Variants in CABP5 observed in about 807,000 individuals in gnomAD.
CABP5 encodes calcium-binding protein 5.
Under a neutral mutation model 21.9 loss-of-function variants are expected in CABP5, and 17 were observed. The ratio of observed to expected loss-of-function variants is 0.78; its 90% confidence interval spans 0.53 to 1.17. CABP5 has a LOEUF of 1.17. CABP5 is among the 50% of genes most tolerant of loss of function. CABP5 has a pLI of 0.00. For synonymous variants in CABP5, 85 were observed against 79.4 expected (o/e 1.07, Z -0.37); for missense variants, 229 against 228.9 (o/e 1.00, Z 0.00).
chr19:48,033,818 G>A (rs1397719578), intron 5 of CABP5, among the ~76,000 whole-genome samples: 1 of 152,186 alleles, frequency 6.6e-6, no homozygotes, highest in Non-Finnish European at 1.5e-5. Flanking sequence ...AGTCAGCGAT[G>A]ATCCTGAATT....
chr19:48,038,500 A>G (rs1395669928), intron 4 of CABP5, among the ~76,000 whole-genome samples: 1 of 152,056 alleles, frequency 6.6e-6, no homozygotes, highest in East Asian at 1.9e-4. Context: ...TGGGATCTCA[A>G]ATTCTTGGAT....
In CABP5 at chr19:48,034,195, C is replaced by A; in HGVS notation, c.496+20G>T. 4 of 1,527,306 alleles carry A rather than the reference C, an allele frequency of 2.6e-6. No individual in the cohort carries two copies. The highest frequency in any genetic ancestry group is 3.5e-6 in the Non-Finnish European group (4 of 1,134,704). The allele number at this position is 1,527,306 out of a possible 1,614,324, so 94.6% of individuals were successfully genotyped here. A position where few individuals can be genotyped will look rare whatever the true frequency, so the allele number is the denominator to read the frequency against. Reference sequence around the variant, plus strand: ...CTGCGGTGGCTGCCCCCGCTCCCCACCACGCCCCGTCAATGTCACCTTCAA... The same window carrying A: ...CTGCGGTGGCTGCCCCCGCTCCCCAACACGCCCCGTCAATGTCACCTTCAA... On this transcript the variant is annotated intron_variant, in intron 5 of 5. Transcript: ENST00000293255.
chr19:48,038,359 T>C (rs552495315), intron 4 of CABP5, among the ~76,000 whole-genome samples: 18 of 152,372 alleles, frequency 1.2e-4, no homozygotes, highest in African/African-American at 4.3e-4. Flanking sequence ...CTTGTGTTGC[T>C]GAAAGCTCTC....
At chr19:48,034,437 G>A (rs906650889) in intron 4 of CABP5, 75 bp from the exon 5 acceptor site, 43 of 1,190,192 alleles carry the variant, frequency 3.6e-5, no homozygotes, top group Admixed American at 5.8e-5. Flanking sequence ...TTTACCTATC[G>A]CTTACTGTGG....
chr19:48,039,075 T>C (rs750455), intron 4 of CABP5, 133 bp downstream of exon 4: 66,118 of 645,852 alleles, frequency 0.1, 3,645 homozygotes, highest in South Asian at 0.14. Flanking sequence ...CCCTATTTAT[T>C]GATCCCACCA....
chr19:48,035,929 TA>T (rs1967403208), intron 4 of CABP5, among the ~76,000 whole-genome samples: 1 of 152,170 alleles, frequency 6.6e-6, no homozygotes, highest in Non-Finnish European at 1.5e-5. Flanking sequence ...ATATACATTT[TA>T]AAAGAATGTG....
chr19:48,043,777 G>T, intron 1 of CABP5, 83 bp downstream of exon 1: 3 of 1,166,112 alleles, frequency 2.6e-6, no homozygotes, highest in Non-Finnish European at 3.4e-6. Context: ...TGGTTCTGTG[G>T]CACCATCATG....
At chr19:48,042,072 A>G (rs1181862635) in intron 1 of CABP5, among the ~76,000 whole-genome samples, 2 of 152,140 alleles carry the variant, frequency 1.3e-5, no homozygotes, top group African/African-American at 2.4e-5. Context: ...AGGAACAGAG[A>G]GGTTAAGGAA....
chr19:48,030,511 C>G lies in CABP5; in HGVS notation c.*46G>C, dbSNP rs1260519775. ...GGCTTTGGTTCTCCACAAGCGCTTG[C>G]TCCATGTTGACCAGGTGGAGAGGGT... On this transcript the variant is annotated 3_prime_UTR_variant, in exon 6 of 6. Coordinates refer to ENST00000293255, the MANE Select transcript of CABP5 (RefSeq NM_019855.5). 3.8e-6 allele frequency: 6 copies of G among 1,592,478 alleles called. No homozygotes were observed. The highest frequency in any genetic ancestry group is 5.1e-6 in the Non-Finnish European group (6 of 1,169,854).
intron 2 of CABP5, 102 bp from the exon 3 acceptor site, chr19:48,040,850 A>C: frequency 8.7e-7 from 1 of 1,145,194 alleles, no homozygotes; most frequent in Admixed American, 2.1e-5. Flanking sequence ...GACTCCTTAA[A>C]GGAGCGTACA....
chr19:48,035,127 T>C (rs1600123576), intron 4 of CABP5, among the ~76,000 whole-genome samples: 1 of 152,368 alleles, frequency 6.6e-6, no homozygotes. Context: ...ATTCCTTCTC[T>C]GTGGCTCCCC....
chr19:48,039,619 A>T (rs562222708), intron 3 of CABP5, among the ~76,000 whole-genome samples: 127 of 146,850 alleles, frequency 8.6e-4, no homozygotes, highest in Non-Finnish European at 1.4e-3. Flanking sequence ...TGAGCATACA[A>T]TTTTTTTTTC....
intron 4 of CABP5, 124 bp from the exon 5 acceptor site, chr19:48,034,486 C>G (rs770288105): frequency 1.9e-5 from 11 of 573,040 alleles, no homozygotes; most frequent in Non-Finnish European, 3.0e-5. Flanking sequence ...ATGTGAGCCA[C>G]TAGAACGTCA....
At chr19:48,038,631 AG>A (rs1967440872) in intron 4 of CABP5, among the ~76,000 whole-genome samples, 1 of 152,180 alleles carries the variant, frequency 6.6e-6, no homozygotes, top group Admixed American at 6.5e-5. Flanking sequence ...GTTCGAGACC[AG>A]CCTGGTCAAC....
chr19:48,043,513 C>A (rs1342157173), intron 1 of CABP5, among the ~76,000 whole-genome samples: 1 of 119,976 alleles, frequency 8.3e-6, no homozygotes, highest in Non-Finnish European at 1.7e-5. Context: ...TTATTAACGT[C>A]ATCATTATCA....
chr19:48,029,798 C>CAGACAGAGAGAGAG lies in CABP5; in HGVS notation c.*758_*759insCTCTCTCTCTGTCT, dbSNP rs1555737196. The stretch of plus-strand genomic sequence containing the variant: ...GGGAGGGGAGACAGAGACAGACAGA[C>CAGACAGAGAGAGAG]AGAGAGAGAGAGAGAGAGAGAGAGA... On this transcript the variant is annotated 3_prime_UTR_variant, in exon 6 of 6. Coordinates refer to ENST00000293255, the MANE Select transcript of CABP5 (RefSeq NM_019855.5). Among the ~76,000 whole-genome samples, 4 of 120,150 alleles carry CAGACAGAGAGAGAG rather than the reference C, an allele frequency of 3.3e-5. No individual in the cohort carries two copies. Among genetic ancestry groups the CAGACAGAGAGAGAG allele is most frequent in the Non-Finnish European group, 5.2e-5 (3 of 57,974 alleles). 78.8% of individuals were successfully genotyped at this position (120,150 alleles called of 152,430 possible).
intron 4 of CABP5, among the ~76,000 whole-genome samples, chr19:48,036,319 C>T (rs1216054632): frequency 6.6e-6 from 1 of 152,206 alleles, no homozygotes; most frequent in Non-Finnish European, 1.5e-5. Context: ...GCTTATTTCA[C>T]CCAGCATACT....
At chr19:48,036,914 T>C (rs1967414477) in intron 4 of CABP5, among the ~76,000 whole-genome samples, 1 of 152,228 alleles carries the variant, frequency 6.6e-6, no homozygotes, top group African/African-American at 2.4e-5. Context: ...TCTGTTAGGA[T>C]GGCTACTGTT....
Position 48,043,878 on chromosome 19 carries a change from G to A in CABP5, c.45C>T (p.Gly15=). ...ACCTCACCCGCTGTTTCTCAGCAATGCCTTTCCTCAAGAAGATGCAGGCGG... is the reference window on the plus strand; with the variant it reads ...ACCTCACCCGCTGTTTCTCAGCAATACCTTTCCTCAAGAAGATGCAGGCGG... ...MGPACIFLRK[G]IAEKQRERPL... The change falls in exon 1 of 6, where the codon GGC becomes GGT. Residue 15 remains glycine, a synonymous_variant. Transcript: ENST00000293255. 2 of 1,493,456 alleles carry A rather than the reference G, an allele frequency of 1.3e-6. No homozygotes were observed. Among genetic ancestry groups the A allele is most frequent in the Admixed American group, 2.7e-5 (1 of 36,914 alleles). The allele number at this position is 1,493,456 out of a possible 1,614,324, so 92.5% of individuals were successfully genotyped here. A position where few individuals can be genotyped will look rare whatever the true frequency, so the allele number is the denominator to read the frequency against.
Sources: gnomAD v4.1 joint callset for allele counts (sites outside exome capture counted in the v4.1 genomes callset) on GRCh38, gnomAD v4.1.1 for gene constraint, MANE v1.5 for transcripts, NCBI Gene and HGNC (gene_info 2026-07-23, HGNC 2026-07-21) for gene names.